RBFOX2: variants seen among roughly 807,000 people sequenced by gnomAD.
The protein encoded by RBFOX2 is RNA binding fox-1 homolog 2.
RBFOX2 carries 10 observed loss-of-function variants against 49.1 expected under a neutral mutation model. That is an observed-to-expected ratio of 0.20 (90% CI 0.13 to 0.35). The LOEUF (loss-of-function observed/expected upper bound fraction) is 0.35. Among genes scored for constraint, RBFOX2 ranks in the 10% least tolerant of loss-of-function variants. The pLI is 1.00. For missense variants in RBFOX2, 323 were observed against 486.9 expected, an observed-to-expected ratio of 0.66 and a Z score of 3.17; for synonymous variants, 183 against 187.4, an observed-to-expected ratio of 0.98 and a Z score of 0.19.
At chr22:35,907,336 TTAGG>T (rs2149487274) in intron 1 of RBFOX2, among the ~76,000 whole-genome samples, 1 of 152,350 alleles carries the variant, frequency 6.6e-6, no homozygotes, top group Non-Finnish European at 1.5e-5. Flanking sequence ...GGAAGTTTTC[TTAGG>T]TAGGGGAGGG....
rs545591512 is a variant in RBFOX2 at position 35,852,240 on chromosome 22, A to G, written c.-33-42236T>C. Among the ~76,000 whole-genome samples, 5 of 152,308 alleles carry G rather than the reference A, an allele frequency of 3.3e-5. No homozygotes were observed. The East Asian group carries it at 9.6e-4, about 29-fold the overall frequency. ...CAAATACTACACCATTTTATATAAG[A>G]AACTTGAGCATCTGCCAATTTTGGT... On this transcript the variant is annotated intron_variant, in intron 1 of 13. Transcript: ENST00000359369.
intron 1 of RBFOX2, among the ~76,000 whole-genome samples, chr22:35,862,499 C>A (rs1569415977): frequency 6.6e-6 from 1 of 152,086 alleles, no homozygotes; most frequent in Non-Finnish European, 1.5e-5. Flanking sequence ...CTAGATTAGC[C>A]CCCTGCTAGA....
intron 1 of RBFOX2, among the ~76,000 whole-genome samples, chr22:35,970,755 C>G (rs1453151982): frequency 2.6e-5 from 4 of 152,282 alleles, no homozygotes; most frequent in African/African-American, 9.6e-5. Flanking sequence ...AGCAATGCTG[C>G]TAAGGCCTTT....
At chr22:35,781,059 C>A (rs558669607) in intron 3 of RBFOX2, among the ~76,000 whole-genome samples, 2 of 152,198 alleles carry the variant, frequency 1.3e-5, no homozygotes, top group East Asian at 3.9e-4. Context: ...GCAATGGTTC[C>A]CAAACTTATG....
At chr22:35,833,590 AAAG>A (rs1338019412) in intron 1 of RBFOX2, among the ~76,000 whole-genome samples, 5 of 152,216 alleles carry the variant, frequency 3.3e-5, no homozygotes, top group Admixed American at 2.0e-4. Context: ...CACCTATCTC[AAAG>A]ATGATTGACA....
chr22:35,859,896 T>C (rs924878731), intron 1 of RBFOX2, among the ~76,000 whole-genome samples: 1 of 152,166 alleles, frequency 6.6e-6, no homozygotes, highest in Non-Finnish European at 1.5e-5. Context: ...CAAGACAATA[T>C]ATAAAGGTTA....
intron 1 of RBFOX2, among the ~76,000 whole-genome samples, chr22:35,990,121 T>C (rs915891691): frequency 2.0e-5 from 3 of 152,336 alleles, no homozygotes; most frequent in African/African-American, 7.2e-5. Context: ...AGGCAGAGGT[T>C]GCAGTGAGCA....
chr22:35,823,650 T>G (rs1468719688), intron 1 of RBFOX2, among the ~76,000 whole-genome samples: 1 of 152,192 alleles, frequency 6.6e-6, no homozygotes, highest in Non-Finnish European at 1.5e-5. Flanking sequence ...CTGTATATAT[T>G]TGAGAAACGT....
At chr22:35,805,749 T>C (rs1365290616) in intron 2 of RBFOX2, among the ~76,000 whole-genome samples, 2 of 152,066 alleles carry the variant, frequency 1.3e-5, no homozygotes, top group Non-Finnish European at 2.9e-5. Flanking sequence ...GGTCAATGGA[T>C]AAACAAACTG....
intron 4 of RBFOX2, among the ~76,000 whole-genome samples, chr22:35,768,843 T>G (rs1361939624): frequency 6.6e-6 from 1 of 151,952 alleles, no homozygotes; most frequent in African/African-American, 2.4e-5. Context: ...CATAATGAGA[T>G]TTTTTTTAAA....
At chr22:35,750,759 T>C (rs1453022405) in intron 9 of RBFOX2, among the ~76,000 whole-genome samples, 1 of 152,236 alleles carries the variant, frequency 6.6e-6, no homozygotes, top group Non-Finnish European at 1.5e-5. Flanking sequence ...CTCACATGTA[T>C]GCTCGCCCTC....
At chr22:35,929,092 A>C (rs1293063477) in intron 1 of RBFOX2, among the ~76,000 whole-genome samples, 1 of 151,998 alleles carries the variant, frequency 6.6e-6, no homozygotes, top group Non-Finnish European at 1.5e-5. Context: ...ACACTCCAGC[A>C]TTGGCGACCT....
In RBFOX2 at chr22:35,897,870, A is replaced by G; in HGVS notation, c.-34+40977T>C. 4.1e-6 allele frequency: 3 copies of G among 732,690 alleles called. No individual in the cohort carries two copies. The South Asian group carries it at 4.2e-5, about 10-fold the overall frequency. 45.4% of individuals were successfully genotyped at this position (732,690 alleles called of 1,614,324 possible). A position where few individuals can be genotyped will look rare whatever the true frequency, so the allele number is the denominator to read the frequency against. ...CAACAGCCTTCTTTCTCAAATATCT[A>G]GAAGAGCTTTTAATATTCACATTCA... On this transcript the variant is annotated intron_variant, in intron 1 of 13. Transcript: ENST00000359369.
chr22:35,964,015 G>C (rs988835020), upstream of RBFOX2, among the ~76,000 whole-genome samples: 1 of 152,144 alleles, frequency 6.6e-6, no homozygotes, highest in African/African-American at 2.4e-5. Context: ...CAAAGTGCTG[G>C]GATTACAGGT....
Position 35,765,500 on chromosome 22 carries a change from G to A in RBFOX2, c.547-17C>T, listed in dbSNP as rs1478432624. 2.7e-6 allele frequency: 4 copies of A among 1,492,232 alleles called. No homozygotes were observed. Among genetic ancestry groups the A allele is most frequent in the South Asian group, 1.2e-5 (1 of 83,170 alleles). The allele number at this position is 1,492,232 out of a possible 1,614,324, so 92.4% of individuals were successfully genotyped here. ...ATTATTCACCTAAAAATAACAAGGA[G>A]AAAAAAGGGCAGGGAAGAAGTGGAC... On this transcript the variant is annotated splice_polypyrimidine_tract_variant and intron_variant, in intron 5 of 11. Coordinates refer to ENST00000405409, the Ensembl canonical transcript of RBFOX2.
chr22:35,858,354 A>T (rs1177666547), intron 1 of RBFOX2, among the ~76,000 whole-genome samples: 1 of 152,166 alleles, frequency 6.6e-6, no homozygotes, highest in Non-Finnish European at 1.5e-5. Flanking sequence ...TAAAAATGCT[A>T]CCTTAAATGC....
intron 1 of RBFOX2, among the ~76,000 whole-genome samples, chr22:35,913,571 T>C (rs2050077053): frequency 6.6e-6 from 1 of 151,282 alleles, no homozygotes; most frequent in Non-Finnish European, 1.5e-5. Flanking sequence ...TATATATATA[T>C]ATAGATGGAT....
chr22:36,006,701 T>C (rs1569522157), intron 1 of RBFOX2, among the ~76,000 whole-genome samples: 2 of 152,224 alleles, frequency 1.3e-5, no homozygotes, highest in Non-Finnish European at 2.9e-5. Flanking sequence ...CTGACTCACT[T>C]GCAGTTCCTC....
chr22:35,829,641 C>G (rs1020177494), intron 1 of RBFOX2, among the ~76,000 whole-genome samples: 2 of 152,114 alleles, frequency 1.3e-5, no homozygotes, highest in African/African-American at 4.8e-5. Context: ...TGGTTAGGAT[C>G]TGCTATATAT....
Sources: allele counts gnomAD v4.1 joint callset (sites outside exome capture counted in the v4.1 genomes callset), GRCh38; gene constraint gnomAD v4.1.1; transcripts MANE v1.5; gene names NCBI Gene and HGNC (gene_info 2026-07-23, HGNC 2026-07-21).